TUT7: variants seen among roughly 807,000 people sequenced by gnomAD.
TUT7 encodes the protein terminal uridylyl transferase 7, also known as terminal uridylyltransferase 7.
TUT7 carries 33 observed loss-of-function variants against 165.9 expected under a neutral mutation model. The ratio of observed to expected loss-of-function variants is 0.20; its 90% CI spans 0.15 to 0.27. TUT7 has a LOEUF of 0.27. Ranked by LOEUF, TUT7 falls within the 10% of genes least tolerant of loss-of-function variation. The probability of loss-of-function intolerance (pLI) is 1.00; values close to 1 mark genes in which losing one functional copy is unlikely to be tolerated. For synonymous variants in TUT7, 552 were observed against 608.1 expected, an observed-to-expected ratio of 0.91 and a Z score of 1.36; for missense variants, 1,338 against 1,762.3, an observed-to-expected ratio of 0.76 and a Z score of 4.31.
In TUT7 at chr9:86,323,775, T is replaced by G; in HGVS notation, c.1975A>C (p.Asn659His). ...TTTGTTTGTACATCTGGATGATGATTTATTACTTCTTTAGAATGTTCTGAA... is the reference window on the plus strand; with the variant it reads ...TTTGTTTGTACATCTGGATGATGATGTATTACTTCTTTAGAATGTTCTGAA... Reference protein sequence around the residue: ...CISEHSKEVINHHPDVQTKDD... With the variant: ...CISEHSKEVIHHHPDVQTKDD... Residue 659 changes from asparagine to histidine, a missense_variant, in exon 13 of 27, where the codon AAT (asparagine) becomes CAT (histidine). Asn to His is a moderately conservative substitution (Grantham distance 68). This residue lies in a region of TUT7 where 425 missense variants were observed against 474.9 expected (regional missense o/e 0.89). Transcript: ENST00000375963. 6.2e-7 allele frequency: 1 copy of G among 1,613,892 alleles called. No individual in the cohort carries two copies. Among genetic ancestry groups the G allele is most frequent in the Non-Finnish European group, 8.5e-7 (1 of 1,179,920 alleles).
chr9:86,308,562 C>A lies in TUT7; in HGVS notation c.3705G>T (p.Gly1235=). ...AACGAAGAAGGCCCAACCATAACTG[C>A]CCAACAGATTCTGTATTTTTTCCAC... ...SECGKNTESV[G]QLWLGLLRFY... is the part of the protein sequence containing the mutation. The change falls in exon 22 of 27, where the codon GGG becomes GGT. Residue 1235 remains glycine, a synonymous_variant. Coordinates refer to ENST00000375963, the MANE Select transcript of TUT7 (RefSeq NM_024617.4). The A allele has an allele frequency of 6.2e-7, 1 of 1,613,550 alleles. No individual in the cohort carries two copies. Among genetic ancestry groups the A allele is most frequent in the South Asian group, 1.1e-5 (1 of 90,978 alleles).
chr9:86,331,226 C>A (rs200977895), intron 10 of TUT7, among the ~76,000 whole-genome samples: 1 of 133,096 alleles, frequency 7.5e-6, no homozygotes, highest in Non-Finnish European at 1.5e-5. Flanking sequence ...GCCTGGGCAA[C>A]ATAGTGGAAC....
At chr9:86,342,187 G>A (rs1831383660) in intron 6 of TUT7, among the ~76,000 whole-genome samples, 1 of 152,118 alleles carries the variant, frequency 6.6e-6, no homozygotes, top group South Asian at 2.1e-4. Flanking sequence ...TTTTGAGAGA[G>A]GTGGGGCTGG....
At chr9:86,321,311 C>T (rs1021177123) in intron 14 of TUT7, among the ~76,000 whole-genome samples, 4 of 151,534 alleles carry the variant, frequency 2.6e-5, no homozygotes, top group Admixed American at 2.6e-4. Flanking sequence ...GAGCTGAGAT[C>T]GCACCACTGC....
intron 10 of TUT7, among the ~76,000 whole-genome samples, chr9:86,331,076 A>G (rs1348038646): frequency 2.0e-5 from 3 of 151,990 alleles, no homozygotes; most frequent in Non-Finnish European, 4.4e-5. Flanking sequence ...TTAGTTCAAA[A>G]TATGTTTTAA....
At chr9:86,324,811 TCA>T (rs1160186575) in intron 12 of TUT7, among the ~76,000 whole-genome samples, 1 of 152,202 alleles carries the variant, frequency 6.6e-6, no homozygotes, top group Admixed American at 6.5e-5. Flanking sequence ...AAATGAGGCT[TCA>T]CTAAAAATGT....
chr9:86,346,683 A>C lies in TUT7; in HGVS notation c.521-203T>G, dbSNP rs548449637. Reference sequence around the variant, plus strand: ...TCACCTGTAGACATTAAGCCATAGAAATCATCTTTTTGGAAAATTTAAAAG... The same window carrying C: ...TCACCTGTAGACATTAAGCCATAGACATCATCTTTTTGGAAAATTTAAAAG... On this transcript the variant is annotated intron_variant, in intron 2 of 26. Coordinates refer to ENST00000375963, the MANE Select transcript of TUT7 (RefSeq NM_024617.4). 3.9e-5 allele frequency among the ~76,000 whole-genome samples: 6 copies of C among 152,312 alleles called. No individual in the cohort carries two copies. In the East Asian group the frequency reaches 9.6e-4, roughly 24 times the overall value.
At chr9:86,296,147 A>G (rs906954645) in intron 26 of TUT7, among the ~76,000 whole-genome samples, 10 of 152,216 alleles carry the variant, frequency 6.6e-5, no homozygotes, top group African/African-American at 2.4e-4. Context: ...GAGTGATGAG[A>G]TGTGTCGGAT....
intron 26 of TUT7, among the ~76,000 whole-genome samples, chr9:86,298,512 G>T (rs1026174128): frequency 1.3e-5 from 2 of 152,188 alleles, no homozygotes; most frequent in Non-Finnish European, 2.9e-5. Flanking sequence ...TGAAGACTCT[G>T]GTTGCCACTC....
chr9:86,312,602 C>G lies in TUT7; in HGVS notation c.3275-1793G>C, dbSNP rs531046012. On this transcript the variant is annotated intron_variant, in intron 17 of 26. Transcript: ENST00000375963. ...CCCCTCTGCCCGGCCACCATCCCAT[C>G]TGGGAGGTGTACCCAACAGCTCATT... Among the ~76,000 whole-genome samples the G allele has an allele frequency of 3.3e-5, 5 of 152,372 alleles. No individual in the cohort carries two copies. In the South Asian group the frequency reaches 1.0e-3, roughly 32 times the overall value.
chr9:86,339,319 G>A (rs1275257189), intron 8 of TUT7, among the ~76,000 whole-genome samples: 1 of 152,160 alleles, frequency 6.6e-6, no homozygotes, highest in Non-Finnish European at 1.5e-5. Flanking sequence ...GAGGTCAGGA[G>A]ATCGAGACCA....
intron 10 of TUT7, among the ~76,000 whole-genome samples, chr9:86,329,244 C>T (rs1830082597): frequency 6.6e-6 from 1 of 152,110 alleles, no homozygotes. Context: ...AATGAACAGG[C>T]CACGCATGGT....
chr9:86,309,635 C>T (rs1827841181), intron 19 of TUT7, 59 bp from the exon 20 acceptor site: 1 of 1,354,606 alleles, frequency 7.4e-7, no homozygotes, highest in Non-Finnish European at 1.0e-6. Flanking sequence ...ACTTTGCATC[C>T]ATTCTGTTAT....
Position 86,308,307 on chromosome 9 carries a change from A to G in TUT7, c.3838+122T>C, listed in dbSNP as rs979170782. On this transcript the variant is annotated intron_variant, in intron 22 of 26. Coordinates refer to ENST00000375963, the MANE Select transcript of TUT7 (RefSeq NM_024617.4). ...AAAGAGAAAAGTTGGCCTGGTATGGACAATGAGACTGGGGCACTGCACACC... is the reference window on the plus strand; with the variant it reads ...AAAGAGAAAAGTTGGCCTGGTATGGGCAATGAGACTGGGGCACTGCACACC... 17 of 823,912 alleles carry G rather than the reference A, an allele frequency of 2.1e-5. No homozygotes were observed. The Middle Eastern group carries it at 1.2e-3, about 56-fold the overall frequency. 51.0% of individuals were successfully genotyped at this position (823,912 alleles called of 1,614,324 possible).
At chr9:86,304,603 A>G (rs1827280575) in intron 24 of TUT7, among the ~76,000 whole-genome samples, 1 of 152,206 alleles carries the variant, frequency 6.6e-6, no homozygotes, top group Non-Finnish European at 1.5e-5. Context: ...ACCAGAAAAA[A>G]AAAAGGCATC....
chr9:86,353,209 C>T lies in TUT7; in HGVS notation c.-10G>A. The T allele has an allele frequency of 1.3e-6, 2 of 1,543,660 alleles. No individual in the cohort carries two copies. The highest frequency in any genetic ancestry group is 1.7e-6 in the Non-Finnish European group (2 of 1,151,566). The stretch of plus-strand genomic sequence containing the variant: ...TTGCTGTATCTCCCATGGTCTTTGA[C>T]TTCAATTTTCTTACTTTGCACCTGA... On this transcript the variant is annotated 5_prime_UTR_variant, in exon 2 of 27. Coordinates refer to ENST00000375963, the MANE Select transcript of TUT7 (RefSeq NM_024617.4).
chr9:86,311,758 T>C lies in TUT7; in HGVS notation c.3275-949A>G, dbSNP rs1174349619. Among the ~76,000 whole-genome samples the C allele has an allele frequency of 2.0e-5, 3 of 152,298 alleles. No homozygotes were observed. The highest frequency in any genetic ancestry group is 2.0e-4 in the Admixed American group (3 of 15,294). On this transcript the variant is annotated intron_variant, in intron 17 of 26. Coordinates refer to ENST00000375963, the MANE Select transcript of TUT7 (RefSeq NM_024617.4). The surrounding 1 kb of genome is among the most constrained non-coding windows in gnomAD (Gnocchi z 4.4). ...CCTCAGCCTGCCGAGTGCCTGCGAT[T>C]GCAGGTGCGCGCCGCCACGCCTGAC...
At chr9:86,326,997 A>T (rs551212043) in intron 11 of TUT7, among the ~76,000 whole-genome samples, 1 of 152,334 alleles carries the variant, frequency 6.6e-6, no homozygotes, top group Admixed American at 6.5e-5. Flanking sequence ...TATTATATTA[A>T]GCTTCAAAAT....
intron 2 of TUT7, among the ~76,000 whole-genome samples, chr9:86,349,069 G>A (rs188555882): frequency 3.2e-4 from 49 of 151,934 alleles, no homozygotes; most frequent in African/African-American, 8.4e-4. Flanking sequence ...ACCTGAGGTC[G>A]GGAGTTCGAG....
Sources: allele counts gnomAD v4.1 joint callset (sites outside exome capture counted in the v4.1 genomes callset), GRCh38; gene constraint gnomAD v4.1.1; regional missense constraint gnomAD v4.1.1; non-coding constraint Gnocchi (gnomAD v3.1); transcripts MANE v1.5; gene names NCBI Gene and HGNC (gene_info 2026-07-23, HGNC 2026-07-21).